PCDHGA9: variants seen among roughly 807,000 people sequenced by gnomAD.
The protein encoded by PCDHGA9 is protocadherin gamma-A9.
PCDHGA9 carries 37 observed loss-of-function variants against 62.5 expected under a neutral mutation model. The observed-to-expected ratio is 0.59, with a 90% CI of 0.46 to 0.78. The LOEUF is 0.78. PCDHGA9 is among the 30% of genes least tolerant of loss of function. PCDHGA9 has a pLI of 0.00. For missense variants in PCDHGA9, 1,138 were observed against 1,166.2 expected, an observed-to-expected ratio of 0.98 and a Z score of 0.35; for synonymous variants, 459 against 484.6, an observed-to-expected ratio of 0.95 and a Z score of 0.69.
chr5:141,430,151 A>T (rs774490087), intron 1 of PCDHGA9, among the ~76,000 whole-genome samples: 8 of 152,166 alleles, frequency 5.3e-5, no homozygotes, highest in Non-Finnish European at 8.8e-5. Flanking sequence ...GGATCATTCA[A>T]GGAATCTATT....
At chr5:141,420,222 TG>T in intron 1 of PCDHGA9, 1 of 1,604,490 alleles carries the variant, frequency 6.2e-7, no homozygotes, top group East Asian at 2.2e-5. Flanking sequence ...AGCATGCTAC[TG>T]GCTAGCATTT....
At chr5:141,458,172 T>C (rs1023447659) in intron 1 of PCDHGA9, among the ~76,000 whole-genome samples, 2 of 152,216 alleles carry the variant, frequency 1.3e-5, no homozygotes, top group African/African-American at 4.8e-5. Flanking sequence ...CACAGTAGTA[T>C]ACCTTACTTG....
intron 1 of PCDHGA9, among the ~76,000 whole-genome samples, chr5:141,434,630 A>G (rs2097706465): frequency 6.6e-6 from 1 of 152,106 alleles, no homozygotes; most frequent in African/African-American, 2.4e-5. Flanking sequence ...CGTTTCCCAT[A>G]AGGGATACTT....
rs532490777 is a variant in PCDHGA9, at chr5:141,487,782, T to C, written c.2425-7025T>C. 7.2e-6 allele frequency: 11 copies of C among 1,525,744 alleles called. No homozygotes were observed. The South Asian group carries it at 1.2e-4, about 17-fold the overall frequency. The allele number at this position is 1,525,744 out of a possible 1,614,324, so 94.5% of individuals were successfully genotyped here. ...GACGCTGTGCTTTGTAACTGTTTCGTGAATTAACCAGAGTTGTCACAGTTT... is the reference window on the plus strand; with the variant it reads ...GACGCTGTGCTTTGTAACTGTTTCGCGAATTAACCAGAGTTGTCACAGTTT... On this transcript the variant is annotated intron_variant, in intron 1 of 3. Coordinates refer to ENST00000573521, the MANE Select transcript of PCDHGA9 (RefSeq NM_018921.3). This position sits in a 1 kb window ranked among gnomAD's most constrained non-coding sequence, Gnocchi z 5.0.
At chr5:141,410,560 A>C (rs769354927) in intron 1 of PCDHGA9, 42 of 1,612,824 alleles carry the variant, frequency 2.6e-5, no homozygotes, top group Non-Finnish European at 3.5e-5. Context: ...TTTCTCCTGG[A>C]GCCTTAATTC....
rs530261329 is a variant in PCDHGA9, at chr5:141,440,076, A to G, written c.2424+34700A>G. 2.4e-4 allele frequency: 37 copies of G among 152,560 alleles called. No individual in the cohort carries two copies. In the South Asian group the frequency reaches 3.7e-3, roughly 15 times the overall value. The allele number at this position is 152,560 out of a possible 1,614,324, so 9.5% of individuals were successfully genotyped here. On this transcript the variant is annotated intron_variant, in intron 1 of 3. Coordinates refer to ENST00000573521, the MANE Select transcript of PCDHGA9 (RefSeq NM_018921.3). Reference sequence around the variant, plus strand: ...CTTCGGGTTAATGCTGAGGAATAATACTTCATTCTAAGTGGGGAAAGTGGA... The same window carrying G: ...CTTCGGGTTAATGCTGAGGAATAATGCTTCATTCTAAGTGGGGAAAGTGGA...
rs572892456 is a variant in PCDHGA9, at chr5:141,427,959, C to T, written c.2424+22583C>T. On this transcript the variant is annotated intron_variant, in intron 1 of 3. Coordinates refer to ENST00000573521, the MANE Select transcript of PCDHGA9 (RefSeq NM_018921.3). Reference sequence around the variant, plus strand: ...GGGCGACCTCAATGACAATGTGCCGCGGGTGCTGTACCCCGCGCTGGGGCC... The same window carrying T: ...GGGCGACCTCAATGACAATGTGCCGTGGGTGCTGTACCCCGCGCTGGGGCC... 3.8e-6 allele frequency: 6 copies of T among 1,588,886 alleles called. No individual in the cohort carries two copies. The East Asian group carries it at 1.1e-4, about 30-fold the overall frequency.
At position 141,476,359 on chromosome 5, in the gene PCDHGA9, G is replaced by A; in HGVS notation, c.2425-18448G>A. On this transcript the variant is annotated intron_variant, in intron 1 of 3. Coordinates refer to ENST00000573521, the MANE Select transcript of PCDHGA9 (RefSeq NM_018921.3). This position sits in a 1 kb window ranked among gnomAD's most constrained non-coding sequence, Gnocchi z 7.6. ...GCCGAAGATTCTTTGAGGTGAACCG[G>A]GAGACCGGAGAGATGTTTGTGAACG... The A allele has an allele frequency of 6.2e-7, 1 of 1,614,170 alleles. No individual in the cohort carries two copies. The highest frequency in any genetic ancestry group is 8.5e-7 in the Non-Finnish European group (1 of 1,180,020).
Position 141,405,152 on chromosome 5 carries a change from G to T in PCDHGA9, c.2200G>T (p.Gly734Cys), listed in dbSNP as rs550773622. Reference sequence around the variant, plus strand: ...GCGGGCTACCAGTGATGGGTTGGCTGGTGTGCCCACCTCACACTTTGTGGG... The same window carrying T: ...GCGGGCTACCAGTGATGGGTTGGCTTGTGTGCCCACCTCACACTTTGTGGG... ...LLRATSDGLA[G>C]VPTSHFVGVD... is the part of the protein sequence containing the mutation. Residue 734 changes from glycine to cysteine, a missense_variant, in exon 1 of 4, where the codon GGT (glycine) becomes TGT (cysteine). Transcript: ENST00000573521. 180 of 1,613,896 alleles carry T rather than the reference G, an allele frequency of 1.1e-4. 1 individual carries two copies. In the South Asian group the frequency reaches 1.9e-3, roughly 17 times the overall value.
At position 141,412,100 on chromosome 5, in the gene PCDHGA9, C is replaced by T. The variant is rs1041242156; in HGVS notation, c.2424+6724C>T. On this transcript the variant is annotated intron_variant, in intron 1 of 3. Coordinates refer to ENST00000573521, the MANE Select transcript of PCDHGA9 (RefSeq NM_018921.3). ...TTGCTACTGGGTTGATGGGCACACA[C>T]AGTTGAAGATATGTGAACCACTGGA... The T allele has an allele frequency of 2.0e-5, 3 of 152,180 alleles. No homozygotes were observed. In the South Asian group the frequency reaches 6.2e-4, roughly 31 times the overall value. 9.4% of individuals were successfully genotyped at this position (152,180 alleles called of 1,614,324 possible).
At position 141,485,142 on chromosome 5, in the gene PCDHGA9, A is replaced by C. The variant is rs979255582; in HGVS notation, c.2425-9665A>C. 5 of 1,554,566 alleles carry C rather than the reference A, an allele frequency of 3.2e-6. No homozygotes were observed. The highest frequency in any genetic ancestry group is 3.5e-6 in the Non-Finnish European group (4 of 1,131,592). On this transcript the variant is annotated intron_variant, in intron 1 of 3. Transcript: ENST00000573521. The surrounding 1 kb of genome is among the most constrained non-coding windows in gnomAD (Gnocchi z 5.7). ...GGCGGGTCGGCTTCATCCGCGTCTC[A>C]GGAGCAAGTAGAGAATTAGCGGGCG... is the stretch of plus-strand genomic sequence containing the variant.
intron 1 of PCDHGA9, chr5:141,426,560 G>A (rs1358683534): frequency 5.7e-6 from 2 of 352,756 alleles, no homozygotes; most frequent in South Asian, 2.1e-5. Flanking sequence ...AGAATAGATC[G>A]AGAGTCACTG....
chr5:141,460,681 A>G (rs2098995379), intron 1 of PCDHGA9, among the ~76,000 whole-genome samples: 1 of 152,134 alleles, frequency 6.6e-6, no homozygotes, highest in African/African-American at 2.4e-5. Context: ...ATATATCTAT[A>G]TATCCACCAA....
intron 1 of PCDHGA9, chr5:141,426,748 C>T: frequency 2.2e-6 from 1 of 455,172 alleles, no homozygotes; most frequent in African/African-American, 2.0e-5. Context: ...GGCCTGGAAT[C>T]TGCTATAGAT....
chr5:141,445,973 G>A (rs563637331), intron 1 of PCDHGA9, among the ~76,000 whole-genome samples: 28 of 152,326 alleles, frequency 1.8e-4, no homozygotes, highest in African/African-American at 6.0e-4. Flanking sequence ...ATTGATTTAT[G>A]AGGGTTATAA....
rs561392729 is a variant in PCDHGA9, at chr5:141,475,706, G to T, written c.2425-19101G>T. On this transcript the variant is annotated intron_variant, in intron 1 of 3. Transcript: ENST00000573521. ...GGATTGGAGACTTGCAGAACGGCTA[G>T]CCTCACAGCCCCAAGGCTGGCTTTC... Among the ~76,000 whole-genome samples the T allele has an allele frequency of 7.2e-5, 11 of 152,364 alleles. 1 individual carries two copies. In the South Asian group the frequency reaches 2.3e-3, roughly 32 times the overall value.
In PCDHGA9 at chr5:141,414,483, A is replaced by G. The variant is rs756254490; in HGVS notation, c.2424+9107A>G. 20 of 1,613,826 alleles carry G rather than the reference A, an allele frequency of 1.2e-5. No homozygotes were observed. In the Admixed American group the frequency reaches 1.8e-4, roughly 15 times the overall value. ...CCACAGATGGGGGAAGTCCTCCTCT[A>G]TCAACGGAAGCTCACTTTATGCTAC... On this transcript the variant is annotated intron_variant, in intron 1 of 3. Transcript: ENST00000573521.
intron 1 of PCDHGA9, among the ~76,000 whole-genome samples, chr5:141,456,780 T>A (rs1392367637): frequency 1.3e-5 from 2 of 152,000 alleles, no homozygotes; most frequent in Non-Finnish European, 2.9e-5. Flanking sequence ...CTGGCCTACA[T>A]GGCAAAACCC....
chr5:141,489,431 T>C lies in PCDHGA9; in HGVS notation c.2425-5376T>C. 6.2e-7 allele frequency: 1 copy of C among 1,614,132 alleles called. No individual in the cohort carries two copies. Among genetic ancestry groups the C allele is most frequent in the Non-Finnish European group, 8.5e-7 (1 of 1,180,024 alleles). On this transcript the variant is annotated intron_variant, in intron 1 of 3. Transcript: ENST00000573521. This position sits in a 1 kb window ranked among gnomAD's most constrained non-coding sequence, Gnocchi z 4.5. ...ATGACAGATCTGTTGAGCCGGCGGC[T>C]GCAATTGGGCTCTGAGGAGAATGGG...
Sources: allele counts gnomAD v4.1 joint callset (sites outside exome capture counted in the v4.1 genomes callset), GRCh38; gene constraint gnomAD v4.1.1; non-coding constraint Gnocchi (gnomAD v3.1); transcripts MANE v1.5; gene names NCBI Gene and HGNC (gene_info 2026-07-23, HGNC 2026-07-21).